CFAP54: variants seen among roughly 807,000 people sequenced by gnomAD.
CFAP54 encodes the protein cilia- and flagella-associated protein 54.
Under a neutral mutation model 370.4 loss-of-function variants are expected in CFAP54, and 290 were observed. That is an observed-to-expected ratio of 0.78 (90% CI 0.71 to 0.86). The LOEUF (loss-of-function observed/expected upper bound fraction) is 0.86. Ranked by LOEUF, CFAP54 falls within the 40% of genes least tolerant of loss-of-function variation. CFAP54 has a pLI of 0.00. For missense variants in CFAP54, 3,399 were observed against 3,528.7 expected, an observed-to-expected ratio of 0.96 and a Z score of 0.93; for synonymous variants, 1,206 against 1,236.5, an observed-to-expected ratio of 0.98 and a Z score of 0.52.
intron 62 of CFAP54, among the ~76,000 whole-genome samples, chr12:96,788,544 A>C (rs143382153): frequency 6.6e-5 from 10 of 152,044 alleles, no homozygotes; most frequent in African/African-American, 4.8e-5. Context: ...ACTGTTGCCA[A>C]CTCTCCCAGA....
At chr12:96,860,579 A>G (rs954040457) in intron 66 of CFAP54, among the ~76,000 whole-genome samples, 2 of 152,190 alleles carry the variant, frequency 1.3e-5, no homozygotes, top group Non-Finnish European at 2.9e-5. Context: ...AACCATGTAC[A>G]ATGATTACCT....
chr12:96,852,222 A>G (rs1339516667), intron 66 of CFAP54, among the ~76,000 whole-genome samples: 1 of 152,144 alleles, frequency 6.6e-6, no homozygotes. Context: ...TTAAAGAGCT[A>G]CAATAACACT....
intron 38 of CFAP54, among the ~76,000 whole-genome samples, chr12:96,662,075 C>G (rs919118511): frequency 2.0e-5 from 3 of 152,188 alleles, no homozygotes; most frequent in Admixed American, 2.0e-4. Flanking sequence ...ACCTCCAACA[C>G]TCCCTCTTTA....
chr12:96,818,878 T>C (rs1959002862), intron 65 of CFAP54, among the ~76,000 whole-genome samples: 1 of 152,164 alleles, frequency 6.6e-6, no homozygotes, highest in Non-Finnish European at 1.5e-5. Flanking sequence ...GGGAGAGATA[T>C]GGAAATTCCT....
chr12:96,750,597 A>G (rs1301847776), intron 55 of CFAP54, among the ~76,000 whole-genome samples: 3 of 152,028 alleles, frequency 2.0e-5, no homozygotes, highest in Admixed American at 6.5e-5. Flanking sequence ...ATTTTTCTCT[A>G]TTTTCAGTCT....
At chr12:96,568,066 C>T (rs1447996122) in intron 19 of CFAP54, among the ~76,000 whole-genome samples, 1 of 151,368 alleles carries the variant, frequency 6.6e-6, no homozygotes, top group Non-Finnish European at 1.5e-5. Context: ...AAATACCAGT[C>T]TATTAACTGT....
chr12:96,859,829 A>T (rs703694), intron 66 of CFAP54, among the ~76,000 whole-genome samples: 84,416 of 151,510 alleles, frequency 0.56, 23,964 homozygotes, highest in African/African-American at 0.65. Context: ...CCATTTTTTT[A>T]AAAAAAAGAA....
intron 9 of CFAP54, among the ~76,000 whole-genome samples, chr12:96,530,970 T>C (rs1041941154): frequency 2.0e-5 from 3 of 152,248 alleles, no homozygotes; most frequent in Non-Finnish European, 4.4e-5. Context: ...CCCATCTGTA[T>C]ACTCTCTTTT....
rs1956496257 is a variant in CFAP54, at chr12:96,621,875, G to GTTTGTTTTTTTTTTTT, written c.3771+157_3771+158insGTTTTTTTTTTTTTTT. On this transcript the variant is annotated intron_variant, in intron 27 of 67. Transcript: ENST00000524981. Reference sequence around the variant, plus strand: ...ATTATAGTAAAGAGCTTTTGGGTTTGTTTTTTTTTTTTTTTTTTTTTTTTT... The same window carrying GTTTGTTTTTTTTTTTT: ...ATTATAGTAAAGAGCTTTTGGGTTTGTTTGTTTTTTTTTTTTTTTTTTTTTTTTTTTTTTTTTTTTT... 2.3e-3 allele frequency among the ~76,000 whole-genome samples: 113 copies of GTTTGTTTTTTTTTTTT among 50,036 alleles called. 3 individuals carry two copies. The highest frequency in any genetic ancestry group is 3.0e-3 in the Non-Finnish European group (92 of 30,230). The allele number at this position is 50,036 out of a possible 152,430, so 32.8% of individuals were successfully genotyped here.
intron 66 of CFAP54, among the ~76,000 whole-genome samples, chr12:96,847,298 G>T (rs1959387346): frequency 1.3e-5 from 2 of 152,110 alleles, no homozygotes; most frequent in East Asian, 3.9e-4. Flanking sequence ...CACTCTCCTG[G>T]TGAGCTGCCC....
At chr12:96,545,943 A>T (rs1207717859) in intron 14 of CFAP54, among the ~76,000 whole-genome samples, 1 of 152,192 alleles carries the variant, frequency 6.6e-6, no homozygotes, top group Non-Finnish European at 1.5e-5. Context: ...TATGCTATGT[A>T]TCTCTTTATC....
At chr12:96,586,766 G>A (rs576437735) in intron 22 of CFAP54, among the ~76,000 whole-genome samples, 1 of 152,308 alleles carries the variant, frequency 6.6e-6, no homozygotes, top group Admixed American at 6.5e-5. Context: ...TTTGACTTGA[G>A]TGAAGTGGAC....
At chr12:96,758,314 C>G (rs949627161) in intron 58 of CFAP54, among the ~76,000 whole-genome samples, 1 of 152,126 alleles carries the variant, frequency 6.6e-6, no homozygotes, top group Non-Finnish European at 1.5e-5. Context: ...TTAACGGACT[C>G]ATAGTTCCAT....
chr12:96,806,842 G>A (rs1000742593), intron 63 of CFAP54, among the ~76,000 whole-genome samples: 1 of 152,116 alleles, frequency 6.6e-6, no homozygotes, highest in Non-Finnish European at 1.5e-5. Context: ...AAGGGAGATA[G>A]GGACTGACAT....
intron 39 of CFAP54, among the ~76,000 whole-genome samples, chr12:96,666,321 T>A (rs938772720): frequency 1.3e-5 from 2 of 152,242 alleles, no homozygotes; most frequent in African/African-American, 4.8e-5. Context: ...ATGGTTAAGT[T>A]GTAGACCTTT....
chr12:96,743,957 T>C lies in CFAP54; in HGVS notation c.7557+47T>C, dbSNP rs780825227. The C allele has an allele frequency of 3.7e-6, 6 of 1,600,418 alleles. No homozygotes were observed. The African/African-American group carries it at 8.1e-5, about 22-fold the overall frequency. On this transcript the variant is annotated intron_variant, in intron 54 of 67. Coordinates refer to ENST00000524981, the MANE Select transcript of CFAP54 (RefSeq NM_001306084.2). ...CGAGACATAGAAACTTACTTTTCTC[T>C]CTTTCCTCCTATTCCAAACCACGTC...
At chr12:96,639,585 C>T (rs1956701734) in intron 32 of CFAP54, among the ~76,000 whole-genome samples, 1 of 152,156 alleles carries the variant, frequency 6.6e-6, no homozygotes, top group Admixed American at 6.5e-5. Flanking sequence ...TTTATGAGGC[C>T]AGCATCATCC....
chr12:96,531,881 C>G (rs1416299334), intron 9 of CFAP54, among the ~76,000 whole-genome samples: 1 of 152,070 alleles, frequency 6.6e-6, no homozygotes, highest in Admixed American at 6.6e-5. Flanking sequence ...TGCACCACCA[C>G]GCCGGGCCAA....
At chr12:96,631,876 C>T (rs1326179589) in intron 32 of CFAP54, among the ~76,000 whole-genome samples, 1 of 151,634 alleles carries the variant, frequency 6.6e-6, no homozygotes, top group African/African-American at 2.4e-5. Context: ...GTGAGAGTTT[C>T]TGTAGGGTAA....
Sources: gnomAD v4.1 joint callset for allele counts (sites outside exome capture counted in the v4.1 genomes callset) on GRCh38, gnomAD v4.1.1 for gene constraint, MANE v1.5 for transcripts, NCBI Gene and HGNC (gene_info 2026-07-23, HGNC 2026-07-21) for gene names.